The following HIP1 variants were observed in gnomAD, a reference collection of about 807,000 sequenced individuals.
HIP1 encodes huntingtin interacting protein 1, also known as huntingtin-interacting protein 1.
HIP1 carries 65 observed loss-of-function variants against 147.6 expected under a neutral mutation model. That is an observed-to-expected ratio of 0.44 (90% CI 0.36 to 0.54). The LOEUF is 0.54. HIP1 is among the 20% of genes least tolerant of loss of function. The pLI is 0.00. For synonymous variants in HIP1, 479 were observed against 504.0 expected, an observed-to-expected ratio of 0.95 and a Z score of 0.67; for missense variants, 1,061 against 1,299.6, an observed-to-expected ratio of 0.82 and a Z score of 2.82.
chr7:75,665,268 A>G (rs1385238312), intron 1 of HIP1, among the ~76,000 whole-genome samples: 1 of 152,104 alleles, frequency 6.6e-6, no homozygotes, highest in African/African-American at 2.4e-5. Flanking sequence ...TCTCTATAAA[A>G]AAATAAGAAC....
chr7:75,716,826 A>AG (rs1429940517), intron 1 of HIP1, among the ~76,000 whole-genome samples: 17 of 144,382 alleles, frequency 1.2e-4, no homozygotes, highest in East Asian at 8.0e-4. Flanking sequence ...GCTTTTTTTT[A>AG]GGGGGGGGGA....
At position 75,599,133 on chromosome 7, in the gene HIP1, T is replaced by A. The variant is rs587765388; in HGVS notation, c.184+51A>T. On this transcript the variant is annotated intron_variant, in intron 2 of 30. Coordinates refer to ENST00000336926, the MANE Select transcript of HIP1 (RefSeq NM_005338.7). ...AGCCTGGCCCTGACCTCAGTCCCCATGAGCTGACCTCCCTCAGGGTCGGTC... is the reference window on the plus strand; with the variant it reads ...AGCCTGGCCCTGACCTCAGTCCCCAAGAGCTGACCTCCCTCAGGGTCGGTC... 6.4e-6 allele frequency: 9 copies of A among 1,407,574 alleles called. No individual in the cohort carries two copies. The East Asian group carries it at 6.8e-5, about 11-fold the overall frequency. 87.2% of individuals were successfully genotyped at this position (1,407,574 alleles called of 1,614,324 possible).
intron 1 of HIP1, among the ~76,000 whole-genome samples, chr7:75,710,737 C>G (rs1233586399): frequency 6.6e-6 from 1 of 152,088 alleles, no homozygotes; most frequent in Non-Finnish European, 1.5e-5. Flanking sequence ...GCACTGCTAC[C>G]TGGGCAATAC....
chr7:75,550,965 C>T (rs1298695975), intron 22 of HIP1, among the ~76,000 whole-genome samples: 1 of 151,922 alleles, frequency 6.6e-6, no homozygotes, highest in African/African-American at 2.4e-5. Flanking sequence ...GGAAATAACC[C>T]AAGTGTCCAT....
In HIP1 at chr7:75,543,465, C is replaced by T. The variant is rs587624677; in HGVS notation, c.2767-491G>A. On this transcript the variant is annotated intron_variant, in intron 27 of 30. Coordinates refer to ENST00000336926, the MANE Select transcript of HIP1 (RefSeq NM_005338.7). ...CTCCCAGGTTCAAGCAATTCTCCTG[C>T]CTCAGCCTCCCAAGCAGCTGGGATT... is the stretch of plus-strand genomic sequence containing the variant. Among the ~76,000 whole-genome samples the T allele has an allele frequency of 2.0e-5, 3 of 152,200 alleles. No individual in the cohort carries two copies. The East Asian group carries it at 5.8e-4, about 29-fold the overall frequency.
chr7:75,629,335 G>T (rs1798137781), intron 1 of HIP1, among the ~76,000 whole-genome samples: 1 of 152,068 alleles, frequency 6.6e-6, no homozygotes, highest in Admixed American at 6.6e-5. Context: ...TTTTAACACA[G>T]GCCCTCACAC....
intron 1 of HIP1, among the ~76,000 whole-genome samples, chr7:75,650,357 C>A (rs372487151): frequency 6.6e-6 from 1 of 152,122 alleles, no homozygotes; most frequent in African/African-American, 2.4e-5. Context: ...CCCTTAATGG[C>A]CCAGTTCAGG....
chr7:75,609,903 C>CTTTTTTT (rs56106169), intron 1 of HIP1, among the ~76,000 whole-genome samples: 2 of 130,996 alleles, frequency 1.5e-5, no homozygotes, highest in South Asian at 2.4e-4. Flanking sequence ...CTCTTCTTTT[C>CTTTTTTT]TTTTTTTTTT....
At chr7:75,681,906 C>A (rs1474961482) in intron 1 of HIP1, among the ~76,000 whole-genome samples, 2 of 152,042 alleles carry the variant, frequency 1.3e-5, no homozygotes, top group Non-Finnish European at 2.9e-5. Flanking sequence ...CGTGTCCACC[C>A]ACCATCTCCC....
chr7:75,594,485 G>T (rs952808744), intron 2 of HIP1, among the ~76,000 whole-genome samples: 1 of 151,992 alleles, frequency 6.6e-6, no homozygotes, highest in African/African-American at 2.4e-5. Context: ...TGTAATAAAT[G>T]TCCATCAGGG....
In HIP1 at chr7:75,589,683, CAAAAAAAAAAAAAA is replaced by C. The variant is rs1159535613; in HGVS notation, c.384+2359_384+2372del. ...AGGCAACAGAGCAAGACTCTGTCTC[CAAAAAAAAAAAAAA>C]AAAAAAAAAAAAAAAAAAGACTTTT... On this transcript the variant is annotated intron_variant, in intron 4 of 30. Transcript: ENST00000336926. Among the ~76,000 whole-genome samples, 14 of 49,638 alleles carry C rather than the reference CAAAAAAAAAAAAAA, an allele frequency of 2.8e-4. 1 individual carries two copies. Among genetic ancestry groups the C allele is most frequent in the East Asian group, 1.8e-3 (2 of 1,104 alleles). 32.6% of individuals were successfully genotyped at this position (49,638 alleles called of 152,430 possible).
chr7:75,695,439 A>G (rs919048096), intron 1 of HIP1, among the ~76,000 whole-genome samples: 12 of 152,190 alleles, frequency 7.9e-5, no homozygotes, highest in Admixed American at 1.3e-4. Context: ...AACCTCTGCC[A>G]CATGAAGTCT....
At chr7:75,550,076 C>A (rs773758581) in intron 22 of HIP1, among the ~76,000 whole-genome samples, 1 of 152,100 alleles carries the variant, frequency 6.6e-6, no homozygotes, top group Non-Finnish European at 1.5e-5. Flanking sequence ...AGATAGGAAG[C>A]CAGGGATCAG....
chr7:75,727,408 CTT>C (rs34320652), intron 1 of HIP1, among the ~76,000 whole-genome samples: 1 of 143,254 alleles, frequency 7.0e-6, no homozygotes, highest in Admixed American at 7.0e-5. Flanking sequence ...TTCTTTCTTT[CTT>C]TTTTTTTTTT....
At chr7:75,570,546 C>T (rs1178463644) in intron 8 of HIP1, among the ~76,000 whole-genome samples, 1 of 151,796 alleles carries the variant, frequency 6.6e-6, no homozygotes, top group Non-Finnish European at 1.5e-5. Flanking sequence ...CCACCTCGGC[C>T]TCCCAAAGTG....
In HIP1 at chr7:75,557,699, C is replaced by T; in HGVS notation, c.1536G>A (p.Glu512=). Residue 512 remains glutamate (E), a synonymous_variant, in exon 16 of 31, where the codon GAG becomes GAA. Coordinates refer to ENST00000336926, the MANE Select transcript of HIP1 (RefSeq NM_005338.7). The part of the protein sequence containing the change: ...AQVDLEREKK[E]LEDSLERISD... ...TGATGCGCTCCAACGAATCCTCCAG[C>T]TCTTTTTTCTCTCGTTCCAAATCTA... 4 of 1,614,186 alleles carry T rather than the reference C, an allele frequency of 2.5e-6. No homozygotes were observed. Among genetic ancestry groups the T allele is most frequent in the Non-Finnish European group, 2.5e-6 (3 of 1,180,042 alleles).
At chr7:75,639,278 G>A (rs1798558841) in intron 1 of HIP1, 1 of 155,360 alleles carries the variant, frequency 6.4e-6, no homozygotes, top group African/African-American at 2.5e-5. Flanking sequence ...AGGGGGAGGG[G>A]GAGGGGGGCG....
intron 1 of HIP1, among the ~76,000 whole-genome samples, chr7:75,699,315 T>C (rs1424563321): frequency 6.6e-6 from 1 of 152,192 alleles, no homozygotes; most frequent in Admixed American, 6.6e-5. Flanking sequence ...GTTGCTGATA[T>C]ACTAGAAAAT....
intron 2 of HIP1, among the ~76,000 whole-genome samples, chr7:75,598,549 G>GA (rs1419387058): frequency 6.6e-6 from 1 of 151,814 alleles, no homozygotes; most frequent in Non-Finnish European, 1.5e-5. Context: ...GAATATAGGT[G>GA]AAGATCCCTC....
Sources: allele counts gnomAD v4.1 joint callset (sites outside exome capture counted in the v4.1 genomes callset), GRCh38; gene constraint gnomAD v4.1.1; transcripts MANE v1.5; gene names NCBI Gene and HGNC (gene_info 2026-07-23, HGNC 2026-07-21).